KCNIP4: variants seen among roughly 807,000 people sequenced by gnomAD.
The protein encoded by KCNIP4 is potassium voltage-gated channel interacting protein 4.
In KCNIP4, 12 loss-of-function variants were observed where a neutral mutation model predicts 34.0. The ratio of observed to expected loss-of-function variants is 0.35; its 90% confidence interval spans 0.23 to 0.57. The LOEUF (loss-of-function observed/expected upper bound fraction) is 0.57. Ranked by LOEUF, KCNIP4 falls within the 20% of genes least tolerant of loss-of-function variation. The probability of loss-of-function intolerance (pLI) is 0.83; values close to 1 mark genes in which losing one functional copy is unlikely to be tolerated. For missense variants in KCNIP4, 238 were observed against 311.7 expected, an observed-to-expected ratio of 0.76 and a Z score of 1.78; for synonymous variants, 124 against 102.2, an observed-to-expected ratio of 1.21 and a Z score of -1.29.
At chr4:21,225,626 C>T (rs1758321704) in intron 1 of KCNIP4, among the ~76,000 whole-genome samples, 1 of 152,086 alleles carries the variant, frequency 6.6e-6, no homozygotes, top group South Asian at 2.1e-4. Flanking sequence ...ACAATGATGA[C>T]ACTCCTCTTA....
intron 1 of KCNIP4, among the ~76,000 whole-genome samples, chr4:21,520,858 T>C (rs1202069512): frequency 2.0e-5 from 3 of 152,158 alleles, no homozygotes; most frequent in Admixed American, 2.0e-4. Flanking sequence ...TATTCCTGGG[T>C]TGACTTTTAT....
intron 1 of KCNIP4, among the ~76,000 whole-genome samples, chr4:21,184,398 T>C (rs1036091605): frequency 6.6e-6 from 1 of 152,218 alleles, no homozygotes; most frequent in Non-Finnish European, 1.5e-5. Context: ...CAATAGCAGA[T>C]ACTCAATCAA....
intron 3 of KCNIP4, among the ~76,000 whole-genome samples, chr4:20,800,165 C>T (rs1445709648): frequency 6.6e-6 from 1 of 152,242 alleles, no homozygotes; most frequent in Non-Finnish European, 1.5e-5. Flanking sequence ...CAAGGTATGT[C>T]AGTCATCACT....
At chr4:21,822,456 C>T (rs1458064106) in intron 1 of KCNIP4, among the ~76,000 whole-genome samples, 1 of 152,072 alleles carries the variant, frequency 6.6e-6, no homozygotes, top group Non-Finnish European at 1.5e-5. Flanking sequence ...ATCCAGGACT[C>T]CATGATAATA....
intron 1 of KCNIP4, among the ~76,000 whole-genome samples, chr4:21,793,494 G>T (rs1175075887): frequency 6.6e-6 from 1 of 152,150 alleles, no homozygotes; most frequent in Non-Finnish European, 1.5e-5. Flanking sequence ...CTGACCTCAA[G>T]TGATCCACCC....
intron 1 of KCNIP4, chr4:21,849,785 A>G (rs1368858604): frequency 6.6e-6 from 1 of 152,126 alleles, no homozygotes; most frequent in Non-Finnish European, 1.5e-5. Context: ...AGAATTCAGT[A>G]ATTCCCAAGT....
chr4:21,657,987 G>A (rs375350237), intron 1 of KCNIP4, among the ~76,000 whole-genome samples: 303 of 151,874 alleles, frequency 2.0e-3, no homozygotes, highest in African/African-American at 6.9e-3. Context: ...TTACAGGCAC[G>A]TGTCACCACA....
At chr4:21,280,264 G>A (rs1045607592) in intron 1 of KCNIP4, among the ~76,000 whole-genome samples, 1 of 152,168 alleles carries the variant, frequency 6.6e-6, no homozygotes, top group African/African-American at 2.4e-5. Flanking sequence ...TGGATCCTGA[G>A]ACTATTTTGT....
chr4:21,237,782 C>A (rs1463642594), intron 1 of KCNIP4, among the ~76,000 whole-genome samples: 6 of 152,154 alleles, frequency 3.9e-5, no homozygotes, highest in Admixed American at 2.6e-4. Context: ...GGATTCACAG[C>A]CGAATTCTAC....
chr4:21,740,722 G>T (rs757652786), intron 1 of KCNIP4, among the ~76,000 whole-genome samples: 8 of 152,018 alleles, frequency 5.3e-5, no homozygotes, highest in Non-Finnish European at 1.2e-4. Context: ...TTTATCTTGA[G>T]AATTAAATAA....
intron 1 of KCNIP4, among the ~76,000 whole-genome samples, chr4:21,732,676 G>T (rs897889546): frequency 8.6e-5 from 9 of 104,590 alleles, no homozygotes; most frequent in Non-Finnish European, 1.5e-4. Flanking sequence ...CACTGATCTG[G>T]GGTATTCGGT....
At chr4:21,772,765 A>G (rs1460561783) in intron 1 of KCNIP4, among the ~76,000 whole-genome samples, 1 of 152,094 alleles carries the variant, frequency 6.6e-6, no homozygotes, top group Non-Finnish European at 1.5e-5. Context: ...GTCAGTGACG[A>G]TACCCCCTTT....
chr4:21,078,126 A>G (rs12510687), intron 1 of KCNIP4, among the ~76,000 whole-genome samples: 35,313 of 151,956 alleles, frequency 0.23, 4,162 homozygotes, highest in Middle Eastern at 0.31. Context: ...TTTGAGTAAA[A>G]TGATGACACA....
At chr4:21,308,238 T>C (rs1712707403) in intron 1 of KCNIP4, among the ~76,000 whole-genome samples, 1 of 152,218 alleles carries the variant, frequency 6.6e-6, no homozygotes, top group South Asian at 2.1e-4. Context: ...TTAAACTTGC[T>C]AAGCTTTGGT....
chr4:21,442,316 C>T (rs1293801077), intron 1 of KCNIP4, among the ~76,000 whole-genome samples: 3 of 152,170 alleles, frequency 2.0e-5, no homozygotes, highest in African/African-American at 7.2e-5. Context: ...GTGCCAAAAG[C>T]CCTGACTGAT....
At chr4:21,229,696 G>A (rs1758657548) in intron 1 of KCNIP4, among the ~76,000 whole-genome samples, 1 of 152,136 alleles carries the variant, frequency 6.6e-6, no homozygotes, top group Non-Finnish European at 1.5e-5. Flanking sequence ...TGTTCAGGGA[G>A]TGTTTCTTTA....
intron 1 of KCNIP4, among the ~76,000 whole-genome samples, chr4:21,701,206 T>G (rs574672131): frequency 1.3e-5 from 2 of 152,242 alleles, no homozygotes; most frequent in East Asian, 3.9e-4. Context: ...CTAGAAAAGT[T>G]GAACTCATAG....
intron 1 of KCNIP4, among the ~76,000 whole-genome samples, chr4:20,898,524 C>T (rs955896149): frequency 2.0e-5 from 3 of 152,126 alleles, no homozygotes; most frequent in Non-Finnish European, 4.4e-5. Context: ...GTAGCCTTAT[C>T]CATAGTACCT....
Position 21,404,023 on chromosome 4 carries a change from C to T in KCNIP4, c.62-521314G>A, listed in dbSNP as rs1487255779. Among the ~76,000 whole-genome samples, 3 of 152,286 alleles carry T rather than the reference C, an allele frequency of 2.0e-5. No individual in the cohort carries two copies. In the East Asian group the frequency reaches 5.8e-4, roughly 29 times the overall value. On this transcript the variant is annotated intron_variant, in intron 1 of 8. Transcript: ENST00000382152. ...TTTGAAGACACACAGGCATTCAAAC[C>T]GTAGCCCATACTTTCCGGTAGCCAT...
Sources: allele counts gnomAD v4.1 joint callset (sites outside exome capture counted in the v4.1 genomes callset), GRCh38; gene constraint gnomAD v4.1.1; transcripts MANE v1.5; gene names NCBI Gene and HGNC (gene_info 2026-07-23, HGNC 2026-07-21).